RGL1: variants seen among roughly 807,000 people sequenced by gnomAD.
The protein encoded by RGL1 is ral guanine nucleotide dissociation stimulator-like 1.
RGL1 carries 24 observed loss-of-function variants against 95.2 expected under a neutral mutation model. That is an observed-to-expected ratio of 0.25 (90% CI 0.18 to 0.35). The LOEUF (loss-of-function observed/expected upper bound fraction) is 0.35. Ranked by LOEUF, RGL1 falls within the 10% of genes least tolerant of loss-of-function variation. RGL1 has a pLI of 1.00. For missense variants in RGL1, 715 were observed against 936.3 expected (o/e 0.76, Z 3.08); for synonymous variants, 329 against 344.9 (o/e 0.95, Z 0.51).
chr1:183,771,993 C>G (rs1182726824), intron 2 of RGL1, among the ~76,000 whole-genome samples: 1 of 152,200 alleles, frequency 6.6e-6, no homozygotes, highest in African/African-American at 2.4e-5. Context: ...AGGCTATTGA[C>G]CAGCAGGTTT....
upstream of RGL1, among the ~76,000 whole-genome samples, chr1:183,801,732 G>C (rs1024714029): frequency 6.6e-6 from 1 of 152,218 alleles, no homozygotes; most frequent in African/African-American, 2.4e-5. Flanking sequence ...ATCTGCATCT[G>C]TTGAGGGCCT....
intron 11 of RGL1, 56 bp from the exon 12 acceptor site, chr1:183,902,512 T>C (rs12130698): frequency 0.029 from 42,952 of 1,475,712 alleles, 800 homozygotes; most frequent in South Asian, 0.045. Flanking sequence ...CGACAACATA[T>C]GGCTGTGTTT....
chr1:183,681,710 T>C (rs10911403), intron 1 of RGL1, among the ~76,000 whole-genome samples: 12,320 of 152,190 alleles, frequency 0.081, 920 homozygotes, highest in African/African-American at 0.2. Context: ...ACGGAGGAGT[T>C]CCTCTCTTTC....
chr1:183,750,844 C>T lies in RGL1; in HGVS notation c.132+8555C>T, dbSNP rs369024101. 1.3e-4 allele frequency among the ~76,000 whole-genome samples: 20 copies of T among 152,354 alleles called. No homozygotes were observed. The East Asian group carries it at 2.7e-3, about 21-fold the overall frequency. ...TCTTCTGCAGGTCTTCTGGAGTTTG[C>T]TGGAGGTTCACTCTAGACTCTGTTT... On this transcript the variant is annotated intron_variant, in intron 2 of 18. Coordinates refer to the RGL1 transcript ENST00000304685.
At chr1:183,699,734 T>C (rs1478607423) in intron 1 of RGL1, among the ~76,000 whole-genome samples, 1 of 152,170 alleles carries the variant, frequency 6.6e-6, no homozygotes, top group African/African-American at 2.4e-5. Context: ...TGCTTTGTTC[T>C]AATACTCTGT....
intron 13 of RGL1, among the ~76,000 whole-genome samples, chr1:183,905,968 C>G (rs1233275938): frequency 2.0e-5 from 3 of 152,152 alleles, no homozygotes; most frequent in African/African-American, 7.2e-5. Context: ...TGAGTAGTTG[C>G]AACAGAGACC....
intron 1 of RGL1, among the ~76,000 whole-genome samples, chr1:183,732,658 T>C (rs1050390127): frequency 6.6e-5 from 10 of 152,170 alleles, no homozygotes; most frequent in African/African-American, 2.2e-4. Flanking sequence ...CCCGCAGATG[T>C]ACACAAGTCA....
chr1:183,891,248 TATTA>T (rs1251815760), intron 8 of RGL1, among the ~76,000 whole-genome samples: 3 of 152,156 alleles, frequency 2.0e-5, no homozygotes, highest in African/African-American at 7.2e-5. Context: ...ATATTGCCCC[TATTA>T]ATTCTTTGTC....
chr1:183,864,803 C>A lies in RGL1; in HGVS notation c.348-1193C>A, dbSNP rs947796028. Among the ~76,000 whole-genome samples, 4 of 152,038 alleles carry A rather than the reference C, an allele frequency of 2.6e-5. No homozygotes were observed. The South Asian group carries it at 6.2e-4, about 24-fold the overall frequency. ...GGATGGGTGAGCTGGTGCCTAAGGG[C>A]GCAAACTGGAACCTACCGGGATGGG... On this transcript the variant is annotated intron_variant, in intron 3 of 17. Transcript: ENST00000360851.
intron 3 of RGL1, among the ~76,000 whole-genome samples, 170 bp downstream of exon 3, chr1:183,847,944 C>T (rs78230059): frequency 6.6e-6 from 1 of 152,272 alleles, no homozygotes; most frequent in East Asian, 1.9e-4. Flanking sequence ...TCAGGAGCCA[C>T]TTATGGTCTG....
At chr1:183,860,770 G>A (rs564728437) in intron 3 of RGL1, among the ~76,000 whole-genome samples, 2 of 152,176 alleles carry the variant, frequency 1.3e-5, no homozygotes, top group East Asian at 1.9e-4. Context: ...TGTCTCCTCC[G>A]CACTACCATG....
intron 8 of RGL1, among the ~76,000 whole-genome samples, chr1:183,891,607 T>C (rs1667417860): frequency 6.6e-6 from 1 of 152,116 alleles, no homozygotes; most frequent in Non-Finnish European, 1.5e-5. Flanking sequence ...TTGGCTTCCA[T>C]ACCTACAACC....
Position 183,913,182 on chromosome 1 carries a change from C to CTTTTTT in RGL1, c.1749+937_1749+942dup, listed in dbSNP as rs537751695. ...TAAGATCTTAATTAAGACCAGTCTT[C>CTTTTTT]TTTTTTTTTTTTTTTTTTTTTTTTT... On this transcript the variant is annotated intron_variant, in intron 15 of 17. Coordinates refer to ENST00000360851, the MANE Select transcript of RGL1 (RefSeq NM_001297671.3). 1.0e-3 allele frequency among the ~76,000 whole-genome samples: 68 copies of CTTTTTT among 68,274 alleles called. 9 individuals carry two copies. The highest frequency in any genetic ancestry group is 3.5e-3 in the East Asian group (7 of 2,006). 44.8% of individuals were successfully genotyped at this position (68,274 alleles called of 152,430 possible).
intron 2 of RGL1, among the ~76,000 whole-genome samples, chr1:183,752,511 C>T (rs540217855): frequency 2.2e-3 from 339 of 152,272 alleles, no homozygotes; most frequent in Non-Finnish European, 3.9e-3. Flanking sequence ...AGGTGTGAGC[C>T]ACTGTGCCCA....
intron 13 of RGL1, among the ~76,000 whole-genome samples, chr1:183,905,235 C>T (rs1668250523): frequency 6.6e-6 from 1 of 152,152 alleles, no homozygotes; most frequent in African/African-American, 2.4e-5. Flanking sequence ...TAAGGATGCT[C>T]ATCTGTAGAA....
chr1:183,828,830 T>C (rs1050894548), intron 2 of RGL1, among the ~76,000 whole-genome samples: 7 of 150,948 alleles, frequency 4.6e-5, no homozygotes, highest in Non-Finnish European at 8.9e-5. Flanking sequence ...AGTGTATGCT[T>C]CTACTCGGAA....
Position 183,852,703 on chromosome 1 carries a change from C to T in RGL1, c.347+4929C>T, listed in dbSNP as rs148617689. 8.1e-3 allele frequency among the ~76,000 whole-genome samples: 1,227 copies of T among 152,154 alleles called. 16 individuals are homozygous for T. The highest frequency in any genetic ancestry group is 0.027 in the African/African-American group (1,132 of 41,498). The stretch of plus-strand genomic sequence containing the variant: ...TGGCAGGCGTCTGTAGTCCTAGCTA[C>T]TCGGGAGGCTGAGGCGGGAGAATCG... On this transcript the variant is annotated intron_variant, in intron 3 of 17. Coordinates refer to ENST00000360851, the MANE Select transcript of RGL1 (RefSeq NM_001297671.3).
At chr1:183,797,587 T>TA (rs1660763742) in intron 2 of RGL1, among the ~76,000 whole-genome samples, 1 of 152,226 alleles carries the variant, frequency 6.6e-6, no homozygotes, top group Non-Finnish European at 1.5e-5. Context: ...CCTTATAGTA[T>TA]TTCTGTGATA....
At chr1:183,640,426 A>G (rs1649846631) in intron 1 of RGL1, among the ~76,000 whole-genome samples, 1 of 152,206 alleles carries the variant, frequency 6.6e-6, no homozygotes, top group Non-Finnish European at 1.5e-5. Context: ...TTTGACAAAC[A>G]GTGATTTCAT....
Sources: gnomAD v4.1 joint callset for allele counts (sites outside exome capture counted in the v4.1 genomes callset) on GRCh38, gnomAD v4.1.1 for gene constraint, MANE v1.5 for transcripts, NCBI Gene and HGNC (gene_info 2026-07-23, HGNC 2026-07-21) for gene names.